Variants in OSER1 observed in about 807,000 individuals in gnomAD.
OSER1 encodes the protein oxidative stress responsive serine rich 1.
OSER1 carries 15 observed loss-of-function variants against 26.3 expected under a neutral mutation model. The ratio of observed to expected loss-of-function variants is 0.57; its 90% CI spans 0.38 to 0.88. The LOEUF is 0.88. OSER1 is among the 40% of genes least tolerant of loss of function. OSER1 has a pLI of 0.00. For synonymous variants in OSER1, 127 were observed against 128.2 expected (o/e 0.99, Z 0.07); for missense variants, 313 against 353.9 (o/e 0.88, Z 0.93).
rs749800468 is a variant in OSER1 at position 44,203,042 on chromosome 20, G to GA, written c.109_110insT (p.Thr37IlefsTer13). The stretch of plus-strand genomic sequence containing the variant: ...TGTTCTGACTGGTGCTCTGACACCT[G>GA]TGCCTTCTCCAACAGACAGAGATGC... On this transcript the variant is annotated frameshift_variant, in exon 3 of 4. Coordinates refer to ENST00000255174, the MANE Select transcript of OSER1 (RefSeq NM_016470.8). LOFTEE classifies it high-confidence loss of function. 6.2e-7 allele frequency: 1 copy of GA among 1,611,990 alleles called. No homozygotes were observed. Among genetic ancestry groups the GA allele is most frequent in the African/African-American group, 1.3e-5 (1 of 74,880 alleles).
chr20:44,197,666 G>A lies in OSER1; in HGVS notation c.265C>T (p.Pro89Ser). 2 of 1,613,978 alleles carry A rather than the reference G, an allele frequency of 1.2e-6. No homozygotes were observed. Among genetic ancestry groups the A allele is most frequent in the Non-Finnish European group, 1.7e-6 (2 of 1,179,842 alleles). ...GTACTGCAATGTATAAACTTTGGAG[G>A]ATGAAGGACAGGAGACTTAGAACGT... ...RRRSKSPVLH[P>S]PKFIHCSTIA... Residue 89 changes from proline to serine, a missense_variant, in exon 4 of 4, where the codon CCT becomes TCT. By Grantham distance (74) the Pro-to-Ser change is moderately conservative. This residue lies in a region of OSER1 where 300 missense variants were observed against 318.3 expected (regional missense o/e 0.94). Transcript: ENST00000255174.
At position 44,197,226 on chromosome 20, in the gene OSER1, C is replaced by G; in HGVS notation, c.705G>C (p.Glu235Asp). The change falls in exon 4 of 4, where the codon GAG becomes GAC. Residue 235 changes from glutamate (E) to aspartate (D), a missense_variant. By Grantham distance (45) the Glu-to-Asp change is conservative. Around this residue, in one of 2 missense-constraint regions of OSER1, gnomAD observed 300 missense variants for 318.3 expected, o/e 0.94. Coordinates refer to ENST00000255174, the MANE Select transcript of OSER1 (RefSeq NM_016470.8). ...TGGCGTGCAGCGACTGAGAGTAGTC[C>G]TCAAGTGTGGATCTTCGTTCTGGAG... ...PLAPERRSTL[E>D]DYSQSLHART... 1 of 1,614,220 alleles carries G rather than the reference C, an allele frequency of 6.2e-7. No individual in the cohort carries two copies. Among genetic ancestry groups the G allele is most frequent in the Non-Finnish European group, 8.5e-7 (1 of 1,180,006 alleles).
intron 1 of OSER1, chr20:44,207,268 T>C (rs1600498101): frequency 4.7e-6 from 1 of 212,560 alleles, no homozygotes; most frequent in East Asian, 1.1e-4. Context: ...CTAAAATCTA[T>C]GTTTCAGTAT....
Position 44,203,108 on chromosome 20 carries a change from A to C in OSER1, c.78-34T>G, listed in dbSNP as rs569115284. The stretch of plus-strand genomic sequence containing the variant: ...AAGAACAAAGTTTACAGCTACAAAA[A>C]ACTGTAAAATGAGGAGAACATATTG... On this transcript the variant is annotated intron_variant, in intron 2 of 3. Coordinates refer to ENST00000255174, the MANE Select transcript of OSER1 (RefSeq NM_016470.8). The C allele has an allele frequency of 1.9e-5, 22 of 1,138,070 alleles. No homozygotes were observed. The South Asian group carries it at 2.7e-4, about 14-fold the overall frequency. The allele number at this position is 1,138,070 out of a possible 1,614,324, so 70.5% of individuals were successfully genotyped here.
chr20:44,202,984 A>G lies in OSER1; in HGVS notation c.168T>C (p.Cys56=). Residue 56 remains cysteine, a synonymous_variant, in exon 3 of 4, where the codon TGT becomes TGC. Transcript: ENST00000255174. ...ATDDTKPKTT[C]ASKDSWHGST... Reference sequence around the variant, plus strand: ...ACCCGTGCCAACTGTCTTTAGATGCACATGTGGTTTTAGGTTTGGTATCAT... The same window carrying G: ...ACCCGTGCCAACTGTCTTTAGATGCGCATGTGGTTTTAGGTTTGGTATCAT... 2 of 1,608,416 alleles carry G rather than the reference A, an allele frequency of 1.2e-6. No individual in the cohort carries two copies. The highest frequency in any genetic ancestry group is 1.7e-6 in the Non-Finnish European group (2 of 1,174,802).
At position 44,196,979 on chromosome 20, in the gene OSER1, C is replaced by A; in HGVS notation, c.*73G>T. 1 of 1,085,560 alleles carries A rather than the reference C, an allele frequency of 9.2e-7. No individual in the cohort carries two copies. The highest frequency in any genetic ancestry group is 1.9e-5 in the Admixed American group (1 of 52,612). 67.2% of individuals were successfully genotyped at this position (1,085,560 alleles called of 1,614,324 possible). On this transcript the variant is annotated 3_prime_UTR_variant, in exon 4 of 4. Coordinates refer to ENST00000255174, the MANE Select transcript of OSER1 (RefSeq NM_016470.8). ...GATGTCTTCTCACACAAAGTGGCCA[C>A]AAGGTCTGCCATTAACTAAATCTCT... is the stretch of plus-strand genomic sequence containing the variant.
At chr20:44,203,694 T>TCACACACACACACA (rs139060435) in intron 2 of OSER1, among the ~76,000 whole-genome samples, 4 of 145,360 alleles carry the variant, frequency 2.8e-5, no homozygotes, top group African/African-American at 5.1e-5. Context: ...CAGACTTTTT[T>TCACACACACACACA]CACACACACA....
intron 3 of OSER1, among the ~76,000 whole-genome samples, chr20:44,202,690 T>G (rs888732266): frequency 1.3e-5 from 2 of 152,156 alleles, no homozygotes; most frequent in Non-Finnish European, 2.9e-5. Context: ...CAATAACACA[T>G]TTAAAAGCCT....
Position 44,197,748 on chromosome 20 carries a change from G to GAA in OSER1, c.192-11_192-10dup. ...AAGACTTCCTTGTAGACCTAAAGAG[G>GAA]AAAAAAAATATACAAGAAGATGTTG... On this transcript the variant is annotated splice_polypyrimidine_tract_variant and intron_variant, in intron 3 of 3. Transcript: ENST00000255174. The GAA allele has an allele frequency of 6.4e-7, 1 of 1,565,386 alleles. No homozygotes were observed. Among genetic ancestry groups the GAA allele is most frequent in the Non-Finnish European group, 8.7e-7 (1 of 1,146,120 alleles).
upstream of OSER1, chr20:44,211,228 A>C (rs1168982348): frequency 6.6e-6 from 1 of 152,326 alleles, no homozygotes; most frequent in African/African-American, 2.4e-5. Flanking sequence ...TATGGCAGAC[A>C]ATCCCCGGCT....
intron 3 of OSER1, among the ~76,000 whole-genome samples, chr20:44,200,657 G>T (rs942760371): frequency 6.6e-6 from 1 of 152,184 alleles, no homozygotes; most frequent in Non-Finnish European, 1.5e-5. Flanking sequence ...GAGGACAAGT[G>T]ATTTTTATAG....
chr20:44,200,349 T>A (rs1469383137), intron 3 of OSER1, among the ~76,000 whole-genome samples: 1 of 152,188 alleles, frequency 6.6e-6, no homozygotes, highest in Non-Finnish European at 1.5e-5. Flanking sequence ...AGTCACTCTA[T>A]CCTGCGACTG....
At position 44,197,709 on chromosome 20, in the gene OSER1, C is replaced by T; in HGVS notation, c.222G>A (p.Val74=). ...TAGAACGTCGACGACGCTGAGTTCT[C>T]ACTGCTCCTCGTGAAGACTTCCTTG... ...GSTRKSSRGA[V]RTQRRRRSKS... Residue 74 remains valine (V), a synonymous_variant, in exon 4 of 4, where the codon GTG becomes GTA. Coordinates refer to ENST00000255174, the MANE Select transcript of OSER1 (RefSeq NM_016470.8). The T allele has an allele frequency of 6.2e-7, 1 of 1,613,410 alleles. No individual in the cohort carries two copies. The highest frequency in any genetic ancestry group is 1.7e-5 in the Admixed American group (1 of 60,020).
chr20:44,203,245 T>C (rs941564060), intron 2 of OSER1, among the ~76,000 whole-genome samples, 171 bp from the exon 3 acceptor site: 2 of 151,586 alleles, frequency 1.3e-5, no homozygotes, highest in African/African-American at 4.9e-5. Flanking sequence ...AAATCTAGAG[T>C]ATCCCTAAAA....
Position 44,210,764 on chromosome 20 carries a change from A to G in OSER1, c.-110T>C, listed in dbSNP as rs731498. 0.27 allele frequency: 40,726 copies of G among 152,322 alleles called. 7,864 individuals are homozygous for G. Among genetic ancestry groups the G allele is most frequent in the African/African-American group, 0.54 (22,515 of 41,520 alleles). The allele number at this position is 152,322 out of a possible 1,614,324, so 9.4% of individuals were successfully genotyped here. On this transcript the variant is annotated 5_prime_UTR_variant, in exon 1 of 4. Coordinates refer to ENST00000255174, the MANE Select transcript of OSER1 (RefSeq NM_016470.8). ...CAGAGCGTCTCTCCCAAATCTCGGC[A>G]CCCGACTGACCCGGATCCAAACCAG... is the stretch of plus-strand genomic sequence containing the variant.
intron 3 of OSER1, among the ~76,000 whole-genome samples, chr20:44,198,368 C>T (rs1569235879): frequency 6.6e-6 from 1 of 152,076 alleles, no homozygotes; most frequent in African/African-American, 2.4e-5. Flanking sequence ...GCCTGTAATC[C>T]CAGCACTTTG....
chr20:44,202,185 G>A (rs903430153), intron 3 of OSER1, among the ~76,000 whole-genome samples: 5 of 152,134 alleles, frequency 3.3e-5, no homozygotes, highest in Non-Finnish European at 5.9e-5. Context: ...AGACCAGCTT[G>A]GCCAACATGA....
rs576554978 is a variant in OSER1 at position 44,207,278 on chromosome 20, T to C, written c.-41-280A>G. ...ATGATCTAAAATCTATGTTTCAGTA[T>C]ACATACTTTTTAACGGGAATCTCCC... On this transcript the variant is annotated intron_variant, in intron 1 of 3. Coordinates refer to ENST00000255174, the MANE Select transcript of OSER1 (RefSeq NM_016470.8). 42 of 190,534 alleles carry C rather than the reference T, an allele frequency of 2.2e-4. No individual in the cohort carries two copies. In the East Asian group the frequency reaches 2.3e-3, roughly 10 times the overall value. The allele number at this position is 190,534 out of a possible 1,614,324, so 11.8% of individuals were successfully genotyped here.
intron 2 of OSER1, 54 bp from the exon 3 acceptor site, chr20:44,203,128 A>C: frequency 1.1e-6 from 1 of 931,250 alleles, no homozygotes; most frequent in African/African-American, 1.6e-5. Flanking sequence ...TGAGGAGAAC[A>C]TATTGTTCTC....
Sources: allele counts gnomAD v4.1 joint callset (sites outside exome capture counted in the v4.1 genomes callset), GRCh38; gene constraint gnomAD v4.1.1; regional missense constraint gnomAD v4.1.1; transcripts MANE v1.5; gene names NCBI Gene and HGNC (gene_info 2026-07-23, HGNC 2026-07-21).